LMBRD1: variants seen among roughly 807,000 people sequenced by gnomAD.
LMBRD1 encodes the protein LMBR1 domain containing 1.
Under a neutral mutation model 74.8 loss-of-function variants are expected in LMBRD1, and 64 were observed. The observed-to-expected ratio is 0.86, with a 90% confidence interval of 0.70 to 1.05. The LOEUF (loss-of-function observed/expected upper bound fraction) is 1.05, where lower values mean the gene tolerates loss of function less well. Among genes scored for constraint, LMBRD1 ranks in the 50% least tolerant of loss-of-function variants. The pLI is 0.00. For synonymous variants in LMBRD1, 204 were observed against 216.3 expected, an observed-to-expected ratio of 0.94 and a Z score of 0.50; for missense variants, 652 against 645.9, an observed-to-expected ratio of 1.01 and a Z score of -0.10.
chr6:69,789,037 T>A (rs545692315), intron 2 of LMBRD1, among the ~76,000 whole-genome samples: 1 of 152,230 alleles, frequency 6.6e-6, no homozygotes, highest in Non-Finnish European at 1.5e-5. Context: ...GTCTGACACA[T>A]AGCAAATATT....
At chr6:69,709,982 C>G (rs187712770) in intron 9 of LMBRD1, among the ~76,000 whole-genome samples, 1 of 152,052 alleles carries the variant, frequency 6.6e-6, no homozygotes, top group Non-Finnish European at 1.5e-5. Flanking sequence ...CAATAGATAT[C>G]CTAGTGGATG....
rs552836123 is a variant in LMBRD1 at position 69,695,266 on chromosome 6, C to A, written c.1417+2297G>T. Among the ~76,000 whole-genome samples, 5 of 152,002 alleles carry A rather than the reference C, an allele frequency of 3.3e-5. No individual in the cohort carries two copies. The East Asian group carries it at 9.7e-4, about 29-fold the overall frequency. On this transcript the variant is annotated intron_variant, in intron 14 of 15. Transcript: ENST00000649934. The stretch of plus-strand genomic sequence containing the variant: ...CTAACTAAAAGAAAAAAAAAAAGTT[C>A]TTGACTCCGCACATCTTCTTCATGG...
intron 9 of LMBRD1, among the ~76,000 whole-genome samples, chr6:69,710,036 C>G (rs549824614): frequency 1.4e-4 from 22 of 151,958 alleles, no homozygotes; most frequent in Non-Finnish European, 2.5e-4. Flanking sequence ...TATGAAAATG[C>G]AAAGGATTTG....
chr6:69,784,813 T>G (rs779625571), intron 2 of LMBRD1, among the ~76,000 whole-genome samples: 34 of 152,312 alleles, frequency 2.2e-4, no homozygotes, highest in Non-Finnish European at 4.4e-4. Context: ...AAACTGCACC[T>G]GCAATACCTT....
intron 2 of LMBRD1, among the ~76,000 whole-genome samples, chr6:69,784,950 T>C (rs1450066498): frequency 6.6e-6 from 1 of 152,182 alleles, no homozygotes; most frequent in Non-Finnish European, 1.5e-5. Context: ...CTTCTCACTT[T>C]CGTAGAGAAC....
intron 1 of LMBRD1, among the ~76,000 whole-genome samples, chr6:69,792,092 A>T (rs913583269): frequency 1.3e-5 from 2 of 152,198 alleles, no homozygotes; most frequent in African/African-American, 4.8e-5. Context: ...TTTTTCCAGG[A>T]ATTTTCATGA....
chr6:69,702,923 T>C (rs2149846043), intron 9 of LMBRD1, among the ~76,000 whole-genome samples: 1 of 152,158 alleles, frequency 6.6e-6, no homozygotes, highest in Non-Finnish European at 1.5e-5. Flanking sequence ...ATAAAAGAAG[T>C]AACACATGAA....
chr6:69,795,541 T>A (rs1170079583), intron 1 of LMBRD1, among the ~76,000 whole-genome samples: 2 of 152,248 alleles, frequency 1.3e-5, no homozygotes, highest in Non-Finnish European at 2.9e-5. Flanking sequence ...TAGTCTCACG[T>A]AACTTTCATA....
chr6:69,731,770 T>C (rs1582098213), intron 7 of LMBRD1, among the ~76,000 whole-genome samples: 1 of 152,240 alleles, frequency 6.6e-6, no homozygotes, highest in South Asian at 2.1e-4. Context: ...TATTTTCAAC[T>C]TACGATGGAT....
At chr6:69,692,289 G>GCT (rs918250078) in intron 14 of LMBRD1, among the ~76,000 whole-genome samples, 18 of 50,208 alleles carry the variant, frequency 3.6e-4, no homozygotes, top group Admixed American at 3.2e-3. Flanking sequence ...TCTCTCTCTC[G>GCT]CTCTCTCTCT....
In LMBRD1 at chr6:69,764,045, C is replaced by T. The variant is rs199627574; in HGVS notation, c.308-11689G>A. Among the ~76,000 whole-genome samples, 118 of 100,570 alleles carry T rather than the reference C, an allele frequency of 1.2e-3. No individual in the cohort carries two copies. In the East Asian group the frequency reaches 0.042, roughly 36 times the overall value. The allele number at this position is 100,570 out of a possible 152,430, so 66.0% of individuals were successfully genotyped here. On this transcript the variant is annotated intron_variant, in intron 3 of 15. Transcript: ENST00000649934. ...GAGACTTTGTACTTTAGAGTTGATG[C>T]TGCAACAAACTTAACACTCTTGGGG...
chr6:69,765,034 A>G (rs1052565658), intron 3 of LMBRD1, among the ~76,000 whole-genome samples: 30 of 151,374 alleles, frequency 2.0e-4, no homozygotes, highest in African/African-American at 6.8e-4. Context: ...GGTTCAAGAG[A>G]TTCTCCTGCC....
intron 8 of LMBRD1, among the ~76,000 whole-genome samples, chr6:69,716,685 T>C (rs971304404): frequency 2.0e-5 from 3 of 152,018 alleles, no homozygotes; most frequent in African/African-American, 7.2e-5. Flanking sequence ...TCATTGCACA[T>C]TACAAGATGG....
intron 3 of LMBRD1, among the ~76,000 whole-genome samples, chr6:69,753,350 T>A (rs1378124972): frequency 6.6e-6 from 1 of 152,194 alleles, no homozygotes; most frequent in Non-Finnish European, 1.5e-5. Flanking sequence ...TACAGAATGA[T>A]AATCATTGTA....
intron 1 of LMBRD1, among the ~76,000 whole-genome samples, chr6:69,792,201 T>C (rs1399195442): frequency 6.6e-6 from 1 of 152,214 alleles, no homozygotes; most frequent in Non-Finnish European, 1.5e-5. Flanking sequence ...TACTTTTCCC[T>C]TTAATAAATC....
At chr6:69,794,602 C>A (rs1317663227) in intron 1 of LMBRD1, among the ~76,000 whole-genome samples, 1 of 152,164 alleles carries the variant, frequency 6.6e-6, no homozygotes, top group Non-Finnish European at 1.5e-5. Context: ...GAAAAACTGA[C>A]AGTATTTGAT....
In LMBRD1 at chr6:69,713,653, G is replaced by T. The variant is rs752377027; in HGVS notation, c.907C>A (p.Pro303Thr). 3 of 1,613,338 alleles carry T rather than the reference G, an allele frequency of 1.9e-6. No homozygotes were observed. The highest frequency in any genetic ancestry group is 1.3e-5 in the African/African-American group (1 of 74,876). ...WWTKFCGALR[P>T]LKIVWGIFFI... ...TTAAAAACTTCATTTACCTTCAGGG[G>T]ACGCAGAGCGCCACAAAATTTTGTC... Residue 303 changes from proline to threonine, a missense_variant, in exon 9 of 16, where the codon CCC (proline) becomes ACC (threonine). Physicochemically the swap from Pro to Thr is conservative, Grantham distance 38 (BLOSUM62 -1). Transcript: ENST00000649934.
chr6:69,755,495 C>T (rs886502793), intron 3 of LMBRD1, among the ~76,000 whole-genome samples: 3 of 150,880 alleles, frequency 2.0e-5, no homozygotes, highest in South Asian at 4.2e-4. Flanking sequence ...GGTCTTAAAA[C>T]CTAGATGATG....
intron 14 of LMBRD1, among the ~76,000 whole-genome samples, chr6:69,679,940 T>C (rs555184004): frequency 6.6e-6 from 1 of 152,280 alleles, no homozygotes; most frequent in East Asian, 1.9e-4. Flanking sequence ...GCTACTCAAA[T>C]GGTTGCAAGT....
Sources: gnomAD v4.1 joint callset for allele counts (sites outside exome capture counted in the v4.1 genomes callset) on GRCh38, gnomAD v4.1.1 for gene constraint, MANE v1.5 for transcripts, NCBI Gene and HGNC (gene_info 2026-07-23, HGNC 2026-07-21) for gene names.